The following PARP15 variants were observed in gnomAD, a reference collection of about 807,000 sequenced individuals.
PARP15 encodes poly(ADP-ribose) polymerase family member 15, also known as protein mono-ADP-ribosyltransferase PARP15.
In PARP15, 50 loss-of-function variants were observed where a neutral mutation model predicts 62.1. The ratio of observed to expected loss-of-function variants is 0.81; its 90% CI spans 0.64 to 1.02. The LOEUF (loss-of-function observed/expected upper bound fraction) is 1.02. Ranked by LOEUF, PARP15 falls within the 50% of genes least tolerant of loss-of-function variation. The pLI is 0.00. For missense variants in PARP15, 820 were observed against 826.5 expected, an observed-to-expected ratio of 0.99 and a Z score of 0.10; for synonymous variants, 309 against 293.1, an observed-to-expected ratio of 1.05 and a Z score of -0.55.
chr3:122,593,448 T>C (rs1934104670), intron 1 of PARP15, among the ~76,000 whole-genome samples: 1 of 152,194 alleles, frequency 6.6e-6, no homozygotes, highest in East Asian at 1.9e-4. Context: ...GGCCAATTTA[T>C]ATTTTTAAAT....
chr3:122,628,202 A>G (rs1576545413), intron 9 of PARP15, among the ~76,000 whole-genome samples: 1 of 152,230 alleles, frequency 6.6e-6, no homozygotes, highest in Non-Finnish European at 1.5e-5. Context: ...CATCAGGAAC[A>G]TGATGCCAGG....
intron 1 of PARP15, among the ~76,000 whole-genome samples, chr3:122,578,344 T>G (rs975748483): frequency 1.3e-5 from 2 of 152,232 alleles, no homozygotes; most frequent in African/African-American, 4.8e-5. Context: ...CACTCATGCT[T>G]GCTTCTAGTA....
rs763949011 is a variant in PARP15 at position 122,577,718 on chromosome 3, G to T, written c.51G>T (p.Pro17=). 236 of 1,551,538 alleles carry T rather than the reference G, an allele frequency of 1.5e-4. No homozygotes were observed. Among genetic ancestry groups the T allele is most frequent in the Non-Finnish European group, 2.0e-4 (230 of 1,146,972 alleles). ...CCGCTGCTCTGAGTCCAGGGGCTCC[G>T]ACCCCCAGAGAACTTATGCACGGAG... ...LPAAALSPGA[P]TPRELMHGVA... Residue 17 remains proline (P), a synonymous_variant, in exon 1 of 12, where the codon CCG becomes CCT. Coordinates refer to ENST00000464300, the MANE Select transcript of PARP15 (RefSeq NM_001113523.3).
chr3:122,600,792 CT>C (rs61033541), intron 1 of PARP15, among the ~76,000 whole-genome samples: 1,601 of 143,844 alleles, frequency 0.011, 11 homozygotes, highest in African/African-American at 0.02. Context: ...TCATTATTAC[CT>C]TTTTTTTTTT....
chr3:122,615,209 CT>C (rs548726607), intron 4 of PARP15: 3 of 1,268,060 alleles, frequency 2.4e-6, no homozygotes, highest in Non-Finnish European at 3.1e-6. Flanking sequence ...ACCAAAATGC[CT>C]TTTTGTTTTT....
Position 122,636,885 on chromosome 3 carries a change from A to G in PARP15, c.*785A>G, listed in dbSNP as rs1363451992. The G allele has an allele frequency of 6.6e-6, 1 of 152,242 alleles. No individual in the cohort carries two copies. Among genetic ancestry groups the G allele is most frequent in the Non-Finnish European group, 1.5e-5 (1 of 68,122 alleles). The allele number at this position is 152,242 out of a possible 1,614,324, so 9.4% of individuals were successfully genotyped here. A position where few individuals can be genotyped will look rare whatever the true frequency, so the allele number is the denominator to read the frequency against. On this transcript the variant is annotated 3_prime_UTR_variant, in exon 12 of 12. Coordinates refer to ENST00000464300, the MANE Select transcript of PARP15 (RefSeq NM_001113523.3). ...TGGCACGTTTCTGTCAGGTATTGGC[A>G]GTCCTCAGTTCCTCTCCTCTCAGGC...
At chr3:122,592,570 A>G (rs544234534) in intron 1 of PARP15, among the ~76,000 whole-genome samples, 1 of 152,198 alleles carries the variant, frequency 6.6e-6, no homozygotes, top group East Asian at 1.9e-4. Flanking sequence ...AAACCTGCAC[A>G]TCCTGCACAT....
chr3:122,593,018 A>G (rs1420868113), intron 1 of PARP15, among the ~76,000 whole-genome samples: 1 of 152,104 alleles, frequency 6.6e-6, no homozygotes, highest in African/African-American at 2.4e-5. Context: ...TGAACATTCA[A>G]TTTGTAAATC....
At position 122,605,969 on chromosome 3, in the gene PARP15, CT is replaced by C. The variant is rs1477021621; in HGVS notation, c.223del (p.Ser75GlnfsTer6). ...RDNKFSKKDC[L>X]SIRNVVASIQ... Reference sequence around the variant, plus strand: ...CAACAAGTTCAGCAAGAAAGATTGTCTTTCAATCAGGAATGTTGTAGCTTCA... The same window carrying C: ...CAACAAGTTCAGCAAGAAAGATTGTCTTCAATCAGGAATGTTGTAGCTTCA... On this transcript the variant is annotated frameshift_variant, in exon 2 of 12. Coordinates refer to ENST00000464300, the MANE Select transcript of PARP15 (RefSeq NM_001113523.3). LOFTEE classifies it high-confidence loss of function. The C allele has an allele frequency of 5.8e-6, 9 of 1,551,626 alleles. No homozygotes were observed. In the East Asian group the frequency reaches 2.2e-4, roughly 38 times the overall value.
At chr3:122,582,475 C>T (rs2332238) in intron 1 of PARP15, among the ~76,000 whole-genome samples, 9,516 of 152,308 alleles carry the variant, frequency 0.062, 431 homozygotes, top group East Asian at 0.22. Flanking sequence ...CTGCACCCAG[C>T]ATGAATGACA....
intron 8 of PARP15, among the ~76,000 whole-genome samples, chr3:122,626,600 G>A (rs917800398): frequency 3.3e-5 from 5 of 152,186 alleles, no homozygotes; most frequent in Admixed American, 2.6e-4. Context: ...CAATTATGGA[G>A]TAGTCTTGTT....
chr3:122,594,503 G>A (rs1170968652), intron 1 of PARP15: 3 of 973,354 alleles, frequency 3.1e-6, no homozygotes, highest in South Asian at 4.8e-5. Context: ...TTCCTCAAAC[G>A]ATCTCAAATT....
chr3:122,602,883 G>A (rs1484990198), intron 1 of PARP15, among the ~76,000 whole-genome samples: 2 of 152,322 alleles, frequency 1.3e-5, no homozygotes, highest in African/African-American at 4.8e-5. Flanking sequence ...ATTTACGAAT[G>A]TCACATTCTT....
rs1937441496 is a variant in PARP15 at position 122,637,653 on chromosome 3, A to T, written c.*1553A>T. On this transcript the variant is annotated 3_prime_UTR_variant, in exon 12 of 12. Transcript: ENST00000464300. ...TAAAGAAAAATAACTCACCAAACTC[A>T]CTCATAATTCCAGCACTAAGGGAAA... 1 of 152,054 alleles carries T rather than the reference A, an allele frequency of 6.6e-6. No individual in the cohort carries two copies. The highest frequency in any genetic ancestry group is 1.5e-5 in the Non-Finnish European group (1 of 68,000). The allele number at this position is 152,054 out of a possible 1,614,324, so 9.4% of individuals were successfully genotyped here. A position where few individuals can be genotyped will look rare whatever the true frequency, so the allele number is the denominator to read the frequency against.
chr3:122,628,019 T>C (rs1382762489), intron 9 of PARP15, among the ~76,000 whole-genome samples: 1 of 152,254 alleles, frequency 6.6e-6, no homozygotes, highest in Non-Finnish European at 1.5e-5. Flanking sequence ...GGTGCTCATA[T>C]AATAATATCA....
Position 122,613,176 on chromosome 3 carries a change from G to GT in PARP15, c.680dup (p.Phe228ValfsTer5), listed in dbSNP as rs1198542148. The GT allele has an allele frequency of 6.4e-7, 1 of 1,551,760 alleles. No individual in the cohort carries two copies. The highest frequency in any genetic ancestry group is 8.7e-7 in the Non-Finnish European group (1 of 1,146,964). The stretch of plus-strand genomic sequence containing the variant: ...TTTTGCTAAACTAATCCTTTCAGAA[G>GT]TGTTCGAATACAGTAGCAGCACAAG... On this transcript the variant is annotated frameshift_variant, in exon 4 of 12. Transcript: ENST00000464300. LOFTEE classifies it high-confidence loss of function.
At chr3:122,623,978 C>T (rs1936521606) in intron 8 of PARP15, among the ~76,000 whole-genome samples, 1 of 152,050 alleles carries the variant, frequency 6.6e-6, no homozygotes, top group Non-Finnish European at 1.5e-5. Flanking sequence ...ATGTTGAAAC[C>T]CTGTCTCTAC....
chr3:122,619,717 C>A, intron 6 of PARP15, 64 bp from the exon 7 acceptor site: 1 of 1,397,894 alleles, frequency 7.2e-7, no homozygotes, highest in Non-Finnish European at 1.0e-6. Context: ...GTCTAATGTA[C>A]AAAAACTATA....
intron 6 of PARP15, among the ~76,000 whole-genome samples, chr3:122,618,822 G>T (rs1336575596): frequency 1.3e-5 from 2 of 152,168 alleles, no homozygotes; most frequent in Non-Finnish European, 2.9e-5. Flanking sequence ...CAGACAGGAG[G>T]TGCTGCCTGC....
Sources: allele counts gnomAD v4.1 joint callset (sites outside exome capture counted in the v4.1 genomes callset), GRCh38; gene constraint gnomAD v4.1.1; transcripts MANE v1.5; gene names NCBI Gene and HGNC (gene_info 2026-07-23, HGNC 2026-07-21).